The following FHIT variants were observed in gnomAD, a reference collection of about 807,000 sequenced individuals.
FHIT encodes fragile histidine triad diadenosine triphosphatase.
A neutral mutation model predicts 17.9 loss-of-function variants in FHIT; 19 were observed. That is an observed-to-expected ratio of 1.06 (90% confidence interval 0.74 to 1.56). FHIT has a LOEUF of 1.56. Ranked by LOEUF, FHIT falls within the 40% of genes most tolerant of loss-of-function variation. The pLI is 0.00. For missense variants in FHIT, 248 were observed against 189.2 expected, an observed-to-expected ratio of 1.31 and a Z score of -1.82; for synonymous variants, 81 against 69.7, an observed-to-expected ratio of 1.16 and a Z score of -0.81.
chr3:60,500,377 T>C, intron 5 of FHIT, among the ~76,000 whole-genome samples: 1 of 152,218 alleles, frequency 6.6e-6, no homozygotes, highest in South Asian at 2.1e-4. Flanking sequence ...AAAGGAGTTC[T>C]GGTCCATTGT....
At chr3:60,896,896 T>C (rs1428024556) in intron 3 of FHIT, among the ~76,000 whole-genome samples, 1 of 152,202 alleles carries the variant, frequency 6.6e-6, no homozygotes, top group Non-Finnish European at 1.5e-5. Flanking sequence ...ATCACTGTCT[T>C]CCTTCCCTAA....
chr3:60,920,673 T>G (rs900669103), intron 3 of FHIT, among the ~76,000 whole-genome samples: 9 of 152,014 alleles, frequency 5.9e-5, no homozygotes, highest in Admixed American at 4.6e-4. Context: ...ACGATCAACA[T>G]GTGGAAGAGT....
intron 5 of FHIT, among the ~76,000 whole-genome samples, chr3:60,196,494 CT>C (rs879292047): frequency 1.5e-4 from 23 of 152,096 alleles, no homozygotes; most frequent in Non-Finnish European, 2.4e-4. Flanking sequence ...GATAATCCCC[CT>C]ATCCCAAAAT....
chr3:60,863,955 G>A (rs1704043210), intron 3 of FHIT, among the ~76,000 whole-genome samples: 1 of 152,096 alleles, frequency 6.6e-6, no homozygotes, highest in South Asian at 2.1e-4. Context: ...CCCGAGATGG[G>A]ATAATTTATA....
At chr3:59,797,307 T>C (rs993585743) in intron 8 of FHIT, among the ~76,000 whole-genome samples, 2 of 151,956 alleles carry the variant, frequency 1.3e-5, no homozygotes, top group African/African-American at 4.8e-5. Flanking sequence ...ATGCCTCAGC[T>C]TCCCAAATAG....
chr3:60,042,006 T>C (rs544994178), intron 5 of FHIT, among the ~76,000 whole-genome samples: 38 of 152,354 alleles, frequency 2.5e-4, no homozygotes, highest in African/African-American at 7.5e-4. Context: ...ATACTCCTTA[T>C]TTACATGCTT....
At chr3:61,062,604 T>C (rs2034466705) in intron 2 of FHIT, among the ~76,000 whole-genome samples, 1 of 152,156 alleles carries the variant, frequency 6.6e-6, no homozygotes, top group Non-Finnish European at 1.5e-5. Context: ...TTGAGAATGG[T>C]TTCCCATGTC....
intron 4 of FHIT, among the ~76,000 whole-genome samples, chr3:60,575,934 C>T (rs374985320): frequency 5.3e-5 from 8 of 152,208 alleles, no homozygotes; most frequent in East Asian, 1.9e-4. Context: ...GCCACAGTCA[C>T]GGAGGCCAAG....
chr3:60,950,215 A>G (rs1708817072), intron 3 of FHIT, among the ~76,000 whole-genome samples: 1 of 152,230 alleles, frequency 6.6e-6, no homozygotes, highest in Admixed American at 6.5e-5. Context: ...TGACTACACT[A>G]TGCAGACATT....
chr3:60,579,566 T>C (rs2037686871), intron 4 of FHIT, among the ~76,000 whole-genome samples: 1 of 152,176 alleles, frequency 6.6e-6, no homozygotes, highest in Non-Finnish European at 1.5e-5. Flanking sequence ...AATAACACTA[T>C]GTGAATATAT....
chr3:59,996,477 G>A (rs962879641), intron 7 of FHIT, among the ~76,000 whole-genome samples: 4 of 152,032 alleles, frequency 2.6e-5, no homozygotes, highest in African/African-American at 9.7e-5. Flanking sequence ...AATTAAATGC[G>A]ACATTTTGTG....
rs533149583 is a variant in FHIT, at chr3:60,476,164, A to C, written c.103+60696T>G. Among the ~76,000 whole-genome samples the C allele has an allele frequency of 1.1e-3, 172 of 152,330 alleles. 3 individuals carry two copies. Among genetic ancestry groups the C allele is most frequent in the Admixed American group, 7.1e-3 (109 of 15,296 alleles). On this transcript the variant is annotated intron_variant, in intron 5 of 9. Transcript: ENST00000492590. Reference sequence around the variant, plus strand: ...TTGAGGAGATATGCACCATTTGCAAAGTTATTTAACGTACCTGAGCCTCAG... The same window carrying C: ...TTGAGGAGATATGCACCATTTGCAACGTTATTTAACGTACCTGAGCCTCAG...
intron 1 of FHIT, among the ~76,000 whole-genome samples, chr3:61,230,279 T>C (rs1187222392): frequency 2.0e-5 from 3 of 152,178 alleles, no homozygotes; most frequent in African/African-American, 7.2e-5. Context: ...TTTAGCACTA[T>C]CCTCTTGGTG....
intron 5 of FHIT, among the ~76,000 whole-genome samples, chr3:60,166,379 T>C (rs1280091204): frequency 2.6e-5 from 4 of 152,194 alleles, no homozygotes; most frequent in Admixed American, 2.6e-4. Flanking sequence ...ACTGAATGCA[T>C]ACTCATCTTT....
At chr3:60,476,350 C>T (rs2033342836) in intron 5 of FHIT, among the ~76,000 whole-genome samples, 1 of 152,122 alleles carries the variant, frequency 6.6e-6, no homozygotes, top group South Asian at 2.1e-4. Flanking sequence ...GCAACAGGTA[C>T]AGGCCACAGG....
intron 5 of FHIT, among the ~76,000 whole-genome samples, chr3:60,277,606 A>C (rs1559782537): frequency 2.6e-5 from 4 of 152,150 alleles, no homozygotes; most frequent in Non-Finnish European, 1.5e-5. Context: ...CATGTTATGT[A>C]AACATCACAC....
intron 4 of FHIT, among the ~76,000 whole-genome samples, chr3:60,628,463 A>T (rs1471448872): frequency 2.6e-5 from 4 of 152,182 alleles, no homozygotes; most frequent in African/African-American, 7.2e-5. Flanking sequence ...TTGGCCTCAC[A>T]CCCAGCTGTT....
At chr3:60,860,812 T>C (rs1255114585) in intron 3 of FHIT, among the ~76,000 whole-genome samples, 3 of 4,234 alleles carry the variant, frequency 7.1e-4, no homozygotes, top group Non-Finnish European at 0.028. Flanking sequence ...TACATATATA[T>C]CAGGTATATA....
At chr3:60,584,969 T>C (rs561850355) in intron 4 of FHIT, among the ~76,000 whole-genome samples, 2 of 152,140 alleles carry the variant, frequency 1.3e-5, no homozygotes, top group South Asian at 4.1e-4. Flanking sequence ...TCATTTTGAA[T>C]TTATTTTTTC....
Sources: allele counts gnomAD v4.1 joint callset (sites outside exome capture counted in the v4.1 genomes callset), GRCh38; gene constraint gnomAD v4.1.1; transcripts MANE v1.5; gene names NCBI Gene and HGNC (gene_info 2026-07-23, HGNC 2026-07-21).